The following MACF1 variants were observed in gnomAD, a reference collection of about 807,000 sequenced individuals.
MACF1 encodes the protein microtubule actin crosslinking factor 1.
A neutral mutation model predicts 854.8 loss-of-function variants in MACF1; 193 were observed. That is an observed-to-expected ratio of 0.23 (90% CI 0.20 to 0.25). MACF1 has a LOEUF of 0.25. Ranked by LOEUF, MACF1 falls within the 10% of genes least tolerant of loss-of-function variation. The pLI is 1.00. For synonymous variants in MACF1, 3,185 were observed against 3,226.7 expected, an observed-to-expected ratio of 0.99 and a Z score of 0.44; for missense variants, 7,722 against 8,929.1, an observed-to-expected ratio of 0.86 and a Z score of 5.45.
At chr1:39,290,437 T>C (rs1645751293) in intron 15 of MACF1, among the ~76,000 whole-genome samples, 2 of 152,200 alleles carry the variant, frequency 1.3e-5, no homozygotes, top group Admixed American at 1.3e-4. Context: ...ACTATAGCTC[T>C]GCAGTATAAT....
intron 2 of MACF1, among the ~76,000 whole-genome samples, chr1:39,134,855 G>A (rs1202430677): frequency 6.6e-6 from 1 of 152,148 alleles, no homozygotes; most frequent in African/African-American, 2.4e-5. Context: ...ACATTCACTT[G>A]ATTGTTGTGC....
chr1:39,341,860 C>T (rs915954636), intron 40 of MACF1, among the ~76,000 whole-genome samples: 1 of 151,080 alleles, frequency 6.6e-6, no homozygotes, highest in Non-Finnish European at 1.5e-5. Context: ...TTTTTGACCA[C>T]GATCCAATCC....
intron 2 of MACF1, among the ~76,000 whole-genome samples, chr1:39,128,265 C>A (rs955532605): frequency 6.6e-6 from 1 of 151,928 alleles, no homozygotes; most frequent in African/African-American, 2.4e-5. Flanking sequence ...GGCTAGTGTG[C>A]AGTGGCTGTT....
intron 64 of MACF1, 117 bp downstream of exon 64, chr1:39,429,443 T>C (rs1304547727): frequency 4.6e-6 from 3 of 653,660 alleles, no homozygotes; most frequent in Non-Finnish European, 5.4e-6. Flanking sequence ...AGCTTAGTAT[T>C]CACTGATTGT....
intron 44 of MACF1, among the ~76,000 whole-genome samples, chr1:39,354,386 C>T (rs1179301800): frequency 6.6e-6 from 1 of 152,020 alleles, no homozygotes; most frequent in Non-Finnish European, 1.5e-5. Flanking sequence ...ATATGCTCTT[C>T]TTTCTTTTCT....
intron 70 of MACF1, 168 bp downstream of exon 70, chr1:39,435,929 C>T: frequency 3.3e-6 from 2 of 611,154 alleles, no homozygotes; most frequent in Non-Finnish European, 5.7e-6. Flanking sequence ...TTCCAAGGAA[C>T]ATTGGCATAC....
chr1:39,200,803 G>A (rs973966112), upstream of MACF1, among the ~76,000 whole-genome samples: 2 of 149,820 alleles, frequency 1.3e-5, no homozygotes, highest in Non-Finnish European at 3.0e-5. Context: ...GGGTGGGCAT[G>A]GTGGCTCAAG....
chr1:39,178,007 C>T lies in MACF1; in HGVS notation c.221-53175C>T, dbSNP rs141292692. Among the ~76,000 whole-genome samples, 417 of 151,546 alleles carry T rather than the reference C, an allele frequency of 2.8e-3. 5 individuals are homozygous for T. Among genetic ancestry groups the T allele is most frequent in the African/African-American group, 9.7e-3 (402 of 41,314 alleles). On this transcript the variant is annotated intron_variant, in intron 2 of 93. Coordinates refer to the MACF1 transcript ENST00000361689. ...ATGGGATCACCGAGAGGGGGATTTC[C>T]GCAGAATCTGGGCTGTCAGGGAAAT...
intron 21 of MACF1, 82 bp from the exon 22 acceptor site, chr1:39,300,128 T>G: frequency 1.5e-6 from 2 of 1,359,076 alleles, no homozygotes; most frequent in Non-Finnish European, 2.0e-6. Flanking sequence ...TCTGAGGGAG[T>G]GGAGTATTCA....
chr1:39,467,190 C>T (rs1034093406), intron 95 of MACF1, among the ~76,000 whole-genome samples: 1 of 152,130 alleles, frequency 6.6e-6, no homozygotes, highest in African/African-American at 2.4e-5. Flanking sequence ...CACGGTGAAA[C>T]ACCGTCTCTA....
intron 1 of MACF1, among the ~76,000 whole-genome samples, chr1:39,226,906 A>G (rs1644723128): frequency 1.3e-5 from 2 of 152,240 alleles, no homozygotes; most frequent in Admixed American, 1.3e-4. Context: ...AATTAGAATC[A>G]GACTGTTTTT....
intron 6 of MACF1, among the ~76,000 whole-genome samples, chr1:39,279,744 T>C (rs1480741403): frequency 2.0e-5 from 3 of 152,324 alleles, no homozygotes; most frequent in South Asian, 2.1e-4. Flanking sequence ...ATTTTAAATA[T>C]GGGGAAAATT....
chr1:39,373,420 G>A (rs1239999057), intron 52 of MACF1: 3 of 137,024 alleles, frequency 2.2e-5, no homozygotes, highest in Non-Finnish European at 4.5e-5. Context: ...ATTGAGCCAC[G>A]ACAGTGCATG....
rs774975137 is a variant in MACF1 at position 39,303,001 on chromosome 1, A to G, written c.2712A>G (p.Thr904=). ...QRTKWKVISP[T]GNEAMVPSVC... ...CCAAATGGAAAGTGATCAGCCCCAC[A>G]GGGAACGAGGCAATGGTGCCGTCAG... The change falls in exon 23 of 101, where the codon ACA becomes ACG. Residue 904 remains threonine, a synonymous_variant. Transcript: ENST00000564288. 1 of 1,614,214 alleles carries G rather than the reference A, an allele frequency of 6.2e-7. No individual in the cohort carries two copies. The highest frequency in any genetic ancestry group is 1.1e-5 in the South Asian group (1 of 91,080).
Position 39,332,102 on chromosome 1 carries a change from C to T in MACF1, c.5514C>T (p.Ala1838=). The T allele has an allele frequency of 1.2e-6, 2 of 1,613,984 alleles. No individual in the cohort carries two copies. ...ATGATCTAGTAGCTGCTAAGATCGC[C>T]CTTGTGATTCTGGAGTCCCTCTGGT... The part of the protein sequence containing the change: ...VSNDLVAAKI[A]LVILESLWSF... Residue 1838 remains alanine, a synonymous_variant, in exon 37 of 101, where the codon GCC becomes GCT. Transcript: ENST00000564288.
upstream of MACF1, among the ~76,000 whole-genome samples, chr1:39,203,482 A>G (rs1241801022): frequency 6.6e-6 from 1 of 152,208 alleles, no homozygotes; most frequent in Non-Finnish European, 1.5e-5. Flanking sequence ...AGGGATTACA[A>G]GCATGAGCCA....
chr1:39,190,395 GTTTTTGT>G (rs1252104595), intron 2 of MACF1, among the ~76,000 whole-genome samples: 4 of 79,056 alleles, frequency 5.1e-5, no homozygotes, highest in East Asian at 7.6e-4. Context: ...GTGTGTGTTT[GTTTTTGT>G]TTTTTTTTTT....
chr1:39,370,877 C>T (rs1378288864), intron 51 of MACF1, among the ~76,000 whole-genome samples: 1 of 152,082 alleles, frequency 6.6e-6, no homozygotes, highest in Non-Finnish European at 1.5e-5. Context: ...AAAAAAAACT[C>T]CTAATACTTC....
intron 26 of MACF1, among the ~76,000 whole-genome samples, chr1:39,313,509 C>G (rs538449665): frequency 6.6e-6 from 1 of 152,040 alleles, no homozygotes; most frequent in Admixed American, 6.6e-5. Context: ...AAAAACCAGG[C>G]CTTCTTTCCT....
Sources: gnomAD v4.1 joint callset for allele counts (sites outside exome capture counted in the v4.1 genomes callset) on GRCh38, gnomAD v4.1.1 for gene constraint, MANE v1.5 for transcripts, NCBI Gene and HGNC (gene_info 2026-07-23, HGNC 2026-07-21) for gene names.